Variants in GPR26 observed in about 807,000 individuals in gnomAD.
The protein encoded by GPR26 is G protein-coupled receptor 26.
Under a neutral mutation model 23.1 loss-of-function variants are expected in GPR26, and 15 were observed. That is an observed-to-expected ratio of 0.65 (90% CI 0.43 to 1.00). The LOEUF (loss-of-function observed/expected upper bound fraction) is 1.00, where lower values mean the gene tolerates loss of function less well. GPR26 is among the 50% of genes least tolerant of loss of function. GPR26 has a pLI of 0.00. For synonymous variants in GPR26, 228 were observed against 222.1 expected, an observed-to-expected ratio of 1.03 and a Z score of -0.24; for missense variants, 359 against 470.5, an observed-to-expected ratio of 0.76 and a Z score of 2.19.
rs1465447306 is a variant in GPR26, at chr10:123,693,647, G to C, written c.*5487G>C. On this transcript the variant is annotated 3_prime_UTR_variant, in exon 3 of 3. Coordinates refer to ENST00000284674, the MANE Select transcript of GPR26 (RefSeq NM_153442.4). ...AAGTTAGTCCAACCCCAGGCCAGCTGCCTTTGCTCTGCTGTGGCCTAAGTT... is the reference window on the plus strand; with the variant it reads ...AAGTTAGTCCAACCCCAGGCCAGCTCCCTTTGCTCTGCTGTGGCCTAAGTT... 1 of 152,338 alleles carries C rather than the reference G, an allele frequency of 6.6e-6. No individual in the cohort carries two copies. The highest frequency in any genetic ancestry group is 1.5e-5 in the Non-Finnish European group (1 of 68,120). 9.4% of individuals were successfully genotyped at this position (152,338 alleles called of 1,614,324 possible).
At position 123,692,807 on chromosome 10, in the gene GPR26, T is replaced by A. The variant is rs1239546206; in HGVS notation, c.*4647T>A. 1 of 152,162 alleles carries A rather than the reference T, an allele frequency of 6.6e-6. No homozygotes were observed. Among genetic ancestry groups the A allele is most frequent in the African/African-American group, 2.4e-5 (1 of 41,410 alleles). The allele number at this position is 152,162 out of a possible 1,614,324, so 9.4% of individuals were successfully genotyped here. A position where few individuals can be genotyped will look rare whatever the true frequency, so the allele number is the denominator to read the frequency against. ...GGAGACAGGGAGGTTTTGGGGAGAA[T>A]GCAAAACAGGGCAGGGCTCTCAAGG... On this transcript the variant is annotated 3_prime_UTR_variant, in exon 3 of 3. Coordinates refer to ENST00000284674, the MANE Select transcript of GPR26 (RefSeq NM_153442.4).
chr10:123,667,097 C>T (rs746758984), intron 1 of GPR26, 22 bp downstream of exon 1: 12 of 1,538,120 alleles, frequency 7.8e-6, no homozygotes, highest in Non-Finnish European at 9.7e-6. Flanking sequence ...GCAGCTAAGG[C>T]TCTGGGAACA....
rs1309098581 is a variant in GPR26 at position 123,694,593 on chromosome 10, G to A, written c.*6433G>A. On this transcript the variant is annotated 3_prime_UTR_variant, in exon 3 of 3. Coordinates refer to ENST00000284674, the MANE Select transcript of GPR26 (RefSeq NM_153442.4). ...GGAAGAGAGAAGGAAGAATGGCAAAGGAAGGAAGAAGGAGAGAAGGAAGGA... is the reference window on the plus strand; with the variant it reads ...GGAAGAGAGAAGGAAGAATGGCAAAAGAAGGAAGAAGGAGAGAAGGAAGGA... 1.3e-5 allele frequency: 2 copies of A among 150,606 alleles called. No individual in the cohort carries two copies. The highest frequency in any genetic ancestry group is 4.9e-5 in the African/African-American group (2 of 40,782). 9.3% of individuals were successfully genotyped at this position (150,606 alleles called of 1,614,324 possible). A position where few individuals can be genotyped will look rare whatever the true frequency, so the allele number is the denominator to read the frequency against.
At chr10:123,669,451 C>T (rs1310858149) in intron 1 of GPR26, among the ~76,000 whole-genome samples, 1 of 152,200 alleles carries the variant, frequency 6.6e-6, no homozygotes, top group African/African-American at 2.4e-5. Flanking sequence ...CTGCCCCAGG[C>T]ACCACCAGTC....
chr10:123,666,764 C>T lies in GPR26; in HGVS notation c.357C>T (p.Arg119=). The change falls in exon 1 of 3, where the codon CGC becomes CGT. Residue 119 remains arginine, a synonymous_variant. Coordinates refer to ENST00000284674, the MANE Select transcript of GPR26 (RefSeq NM_153442.4). ...VFPLSYRAKM[R]LRDAALMVAY... Reference sequence around the variant, plus strand: ...CGCTGAGCTACCGGGCCAAGATGCGCCTCCGCGACGCGGCGCTCATGGTGG... The same window carrying T: ...CGCTGAGCTACCGGGCCAAGATGCGTCTCCGCGACGCGGCGCTCATGGTGG... 3 of 1,602,230 alleles carry T rather than the reference C, an allele frequency of 1.9e-6. No individual in the cohort carries two copies. The South Asian group carries it at 3.3e-5, about 18-fold the overall frequency.
Position 123,695,461 on chromosome 10 carries a change from A to T in GPR26, c.*7301A>T, listed in dbSNP as rs1485023398. The stretch of plus-strand genomic sequence containing the variant: ...CTAAAATCTGTATTTGGAGAGAGGA[A>T]GTCTACTCTTAACTGTGAGAGTTAA... On this transcript the variant is annotated 3_prime_UTR_variant, in exon 3 of 3. Coordinates refer to ENST00000284674, the MANE Select transcript of GPR26 (RefSeq NM_153442.4). 6.6e-6 allele frequency among the ~76,000 whole-genome samples: 1 copy of T among 152,172 alleles called. No homozygotes were observed. The highest frequency in any genetic ancestry group is 2.4e-5 in the African/African-American group (1 of 41,426).
At chr10:123,677,049 T>C (rs1218709621) in intron 2 of GPR26, among the ~76,000 whole-genome samples, 1 of 152,142 alleles carries the variant, frequency 6.6e-6, no homozygotes, top group Non-Finnish European at 1.5e-5. Flanking sequence ...TGCCTCCTCT[T>C]AGGTCCCAGA....
In GPR26 at chr10:123,692,595, T is replaced by A. The variant is rs1276138371; in HGVS notation, c.*4435T>A. The stretch of plus-strand genomic sequence containing the variant: ...CTGGTGTTGGCTCTGGGACCTGGGC[T>A]GGGCCGGACCTGGGGAGAGGGTGGG... On this transcript the variant is annotated 3_prime_UTR_variant, in exon 3 of 3. Coordinates refer to ENST00000284674, the MANE Select transcript of GPR26 (RefSeq NM_153442.4). 6.6e-6 allele frequency: 1 copy of A among 152,648 alleles called. No individual in the cohort carries two copies. Among genetic ancestry groups the A allele is most frequent in the East Asian group, 1.9e-4 (1 of 5,204 alleles). The allele number at this position is 152,648 out of a possible 1,614,324, so 9.5% of individuals were successfully genotyped here.
Position 123,680,817 on chromosome 10 carries a change from TTTG to T in GPR26, c.782+5889_782+5891del, listed in dbSNP as rs1281776924. Among the ~76,000 whole-genome samples, 4 of 90,320 alleles carry T rather than the reference TTTG, an allele frequency of 4.4e-5. 1 individual carries two copies. Among genetic ancestry groups the T allele is most frequent in the East Asian group, 6.6e-4 (2 of 3,026 alleles). The allele number at this position is 90,320 out of a possible 152,430, so 59.3% of individuals were successfully genotyped here. ...TTCTCTTGGGTTTTTTTTGTTTTGT[TTTG>T]TTTTTTTGGGGGGGGGGGTTGTTTT... On this transcript the variant is annotated intron_variant, in intron 2 of 2. Transcript: ENST00000284674.
intron 2 of GPR26, among the ~76,000 whole-genome samples, chr10:123,686,371 T>C (rs1209739456): frequency 6.6e-6 from 1 of 152,178 alleles, no homozygotes; most frequent in Non-Finnish European, 1.5e-5. Context: ...AAGTATAGAT[T>C]TCCTAAGTGT....
At chr10:123,679,792 C>T (rs1349398166) in intron 2 of GPR26, among the ~76,000 whole-genome samples, 1 of 103,522 alleles carries the variant, frequency 9.7e-6, no homozygotes, top group African/African-American at 3.8e-5. Flanking sequence ...GCATTAAAGC[C>T]CATGGCATGC....
chr10:123,675,798 C>CTGTGTGTGTGTGTG (rs57869785), intron 2 of GPR26, among the ~76,000 whole-genome samples: 38 of 142,716 alleles, frequency 2.7e-4, no homozygotes, highest in East Asian at 6.8e-4. Flanking sequence ...GCAGGGTTTT[C>CTGTGTGTGTGTGTG]TGTGTGTGTG....
At chr10:123,676,211 TC>T (rs2133925468) in intron 2 of GPR26, among the ~76,000 whole-genome samples, 1 of 152,186 alleles carries the variant, frequency 6.6e-6, no homozygotes, top group South Asian at 2.1e-4. Context: ...TGGGGTGCCT[TC>T]CCCTGTCTTC....
Position 123,686,877 on chromosome 10 carries a change from G to T in GPR26, c.783-1052G>T, listed in dbSNP as rs572321360. Among the ~76,000 whole-genome samples, 135 of 152,308 alleles carry T rather than the reference G, an allele frequency of 8.9e-4. 1 individual carries two copies. The highest frequency in any genetic ancestry group is 3.0e-3 in the African/African-American group (125 of 41,574). ...TGGGCCTCAATTTTTTCATATGACA[G>T]TGGGTGGAGGAGACAGTGTTATATG... On this transcript the variant is annotated intron_variant, in intron 2 of 2. Transcript: ENST00000284674.
At position 123,690,826 on chromosome 10, in the gene GPR26, T is replaced by C. The variant is rs1342964751; in HGVS notation, c.*2666T>C. ...TGAATTATCTACCTCATTTTGTTAATTTAATTTATCAAAGGTAACATTGTT... is the reference window on the plus strand; with the variant it reads ...TGAATTATCTACCTCATTTTGTTAACTTAATTTATCAAAGGTAACATTGTT... On this transcript the variant is annotated 3_prime_UTR_variant, in exon 3 of 3. Transcript: ENST00000284674. 6.6e-6 allele frequency: 1 copy of C among 152,236 alleles called. No homozygotes were observed. The highest frequency in any genetic ancestry group is 1.5e-5 in the Non-Finnish European group (1 of 68,040). 9.4% of individuals were successfully genotyped at this position (152,236 alleles called of 1,614,324 possible).
chr10:123,676,123 G>GC (rs67239982), intron 2 of GPR26, among the ~76,000 whole-genome samples: 1 of 151,900 alleles, frequency 6.6e-6, no homozygotes, highest in Admixed American at 6.5e-5. Flanking sequence ...ACTCACAGGA[G>GC]CCCCCTGTGG....
rs71281364 is a variant in GPR26 at position 123,675,833 on chromosome 10, C to CATGTGTGTGTGTGTGT, written c.782+902_782+903insATGTGTGTGTGTGTGT. Among the ~76,000 whole-genome samples, 15 of 134,176 alleles carry CATGTGTGTGTGTGTGT rather than the reference C, an allele frequency of 1.1e-4. No homozygotes were observed. The South Asian group carries it at 1.8e-3, about 16-fold the overall frequency. 88.0% of individuals were successfully genotyped at this position (134,176 alleles called of 152,430 possible). A position where few individuals can be genotyped will look rare whatever the true frequency, so the allele number is the denominator to read the frequency against. Reference sequence around the variant, plus strand: ...GTGTGTGTGTACGTGTGTGTGTGTACGTGTGTGTGTGTGTGTGTGTGTAAG... The same window carrying CATGTGTGTGTGTGTGT: ...GTGTGTGTGTACGTGTGTGTGTGTACATGTGTGTGTGTGTGTGTGTGTGTGTGTGTGTGTGTGTAAG... On this transcript the variant is annotated intron_variant, in intron 2 of 2. Transcript: ENST00000284674.
chr10:123,685,666 A>G (rs1845424995), intron 2 of GPR26, among the ~76,000 whole-genome samples: 1 of 152,226 alleles, frequency 6.6e-6, no homozygotes. Context: ...CAGACAGCAT[A>G]TAGTGACCTC....
At position 123,674,673 on chromosome 10, in the gene GPR26, T is replaced by G; in HGVS notation, c.669-145T>G. ...ACACTGCTTGCCCAAGGTCAATAGC[T>G]ACAGCCAAGAGTTGACGCTGGGTCT... On this transcript the variant is annotated intron_variant, in intron 1 of 2. Coordinates refer to ENST00000284674, the MANE Select transcript of GPR26 (RefSeq NM_153442.4). The surrounding 1 kb of genome is among the most constrained non-coding windows in gnomAD (Gnocchi z 4.1). 1.7e-6 allele frequency: 1 copy of G among 580,596 alleles called. No individual in the cohort carries two copies. Among genetic ancestry groups the G allele is most frequent in the Non-Finnish European group, 3.1e-6 (1 of 321,268 alleles). The allele number at this position is 580,596 out of a possible 1,614,324, so 36.0% of individuals were successfully genotyped here. A position where few individuals can be genotyped will look rare whatever the true frequency, so the allele number is the denominator to read the frequency against.
Sources: gnomAD v4.1 joint callset for allele counts (sites outside exome capture counted in the v4.1 genomes callset) on GRCh38, gnomAD v4.1.1 for gene constraint, Gnocchi (gnomAD v3.1) non-coding constraint, MANE v1.5 for transcripts, NCBI Gene and HGNC (gene_info 2026-07-23, HGNC 2026-07-21) for gene names.